DTX1: variants seen among roughly 807,000 people sequenced by gnomAD.
DTX1 encodes E3 ubiquitin-protein ligase DTX1.
A neutral mutation model predicts 57.8 loss-of-function variants in DTX1; 26 were observed. The observed-to-expected ratio is 0.45, with a 90% CI of 0.33 to 0.62. DTX1 has a LOEUF of 0.62. DTX1 is among the 20% of genes least tolerant of loss of function. The probability of loss-of-function intolerance (pLI) is 0.02; values close to 1 mark genes in which losing one functional copy is unlikely to be tolerated. For synonymous variants in DTX1, 398 were observed against 394.1 expected, an observed-to-expected ratio of 1.01 and a Z score of -0.12; for missense variants, 704 against 895.3, an observed-to-expected ratio of 0.79 and a Z score of 2.73.
rs1019749085 is a variant in DTX1 at position 113,058,155 on chromosome 12, C to G, written c.-38C>G. 6.4e-7 allele frequency: 1 copy of G among 1,554,260 alleles called. No homozygotes were observed. Among genetic ancestry groups the G allele is most frequent in the Admixed American group, 1.9e-5 (1 of 51,788 alleles). On this transcript the variant is annotated 5_prime_UTR_variant, in exon 2 of 10. Transcript: ENST00000548759. ...CCAGGCCCAGGAGGAGCTGGGCCTG[C>G]AATAGTGGGGGACCTGGCCCCTGAG... is the stretch of plus-strand genomic sequence containing the variant.
chr12:113,066,224 T>C (rs2044702808), intron 2 of DTX1, among the ~76,000 whole-genome samples: 1 of 152,090 alleles, frequency 6.6e-6, no homozygotes, highest in Admixed American at 6.5e-5. Flanking sequence ...CCCAGCTGCT[T>C]ACTAAGAATC....
At chr12:113,057,301 G>A (rs1360773419) in intron 1 of DTX1, 148 bp from the exon 2 acceptor site, 2 of 152,296 alleles carry the variant, frequency 1.3e-5, no homozygotes, top group Non-Finnish European at 2.9e-5. Context: ...CCTGCCCCAA[G>A]GGAAAGCGGG....
At chr12:113,080,295 C>A (rs2044807390) in intron 3 of DTX1, among the ~76,000 whole-genome samples, 1 of 152,138 alleles carries the variant, frequency 6.6e-6, no homozygotes, top group African/African-American at 2.4e-5. Context: ...TCAGGGAGAT[C>A]TCAGGGGGCT....
intron 3 of DTX1, among the ~76,000 whole-genome samples, chr12:113,091,524 T>C (rs1395429954): frequency 6.6e-6 from 1 of 152,084 alleles, no homozygotes; most frequent in Non-Finnish European, 1.5e-5. Context: ...GTGTGTAATG[T>C]GTCCCGGGGA....
intron 6 of DTX1, 27 bp downstream of exon 6, chr12:113,094,126 G>GGGGGGGGGGGGGC: frequency 1.0e-6 from 1 of 964,906 alleles, no homozygotes; most frequent in Non-Finnish European, 1.6e-6. Flanking sequence ...GGGGCTGGGG[G>GGGGGGGGGGGGGC]AGGGCCCTGG....
intron 5 of DTX1, 24 bp from the exon 6 acceptor site, chr12:113,094,014 A>T (rs924819414): frequency 2.0e-6 from 3 of 1,514,596 alleles, no homozygotes; most frequent in Non-Finnish European, 2.7e-6. Flanking sequence ...GTACCCTCAA[A>T]CCCACCCCGC....
At chr12:113,065,775 G>A (rs2044699876) in intron 2 of DTX1, among the ~76,000 whole-genome samples, 1 of 152,062 alleles carries the variant, frequency 6.6e-6, no homozygotes, top group Non-Finnish European at 1.5e-5. Flanking sequence ...TGATGAGAGG[G>A]TGACGAGGAG....
intron 3 of DTX1, among the ~76,000 whole-genome samples, chr12:113,078,810 A>G (rs762577986): frequency 6.6e-6 from 1 of 152,024 alleles, no homozygotes; most frequent in African/African-American, 2.4e-5. Flanking sequence ...ATTTCCCCAT[A>G]GGCTGCACCT....
Position 113,095,367 on chromosome 12 carries a change from G to T in DTX1, c.1591G>T (p.Gly531Ter). ...PNPGKKFTAR[G>*]FPRHCYLPNN... ...CCCCGGGAAGAAGTTCACCGCAAGA[G>T]GATTCCCTCGCCACTGCTATCTACC... is the stretch of plus-strand genomic sequence containing the variant. Residue 531 changes from glycine to a stop codon, truncating the protein, a stop_gained, in exon 9 of 10, where the codon GGA becomes TGA. Transcript: ENST00000548759. LOFTEE classifies it high-confidence loss of function. 6.2e-7 allele frequency: 1 copy of T among 1,614,234 alleles called. No individual in the cohort carries two copies. The highest frequency in any genetic ancestry group is 2.2e-5 in the East Asian group (1 of 44,886).
chr12:113,083,330 C>T (rs577601819), intron 3 of DTX1, among the ~76,000 whole-genome samples: 2 of 151,950 alleles, frequency 1.3e-5, no homozygotes, highest in Non-Finnish European at 2.9e-5. Flanking sequence ...TATAATTTAC[C>T]AATACTTTTT....
chr12:113,066,014 G>A (rs773105205), intron 2 of DTX1, among the ~76,000 whole-genome samples: 14 of 152,248 alleles, frequency 9.2e-5, no homozygotes, highest in East Asian at 1.9e-4. Flanking sequence ...AATCACAACC[G>A]GTGGTAGCCA....
Position 113,078,085 on chromosome 12 carries a change from G to T in DTX1, c.921G>T (p.Ala307=). 7.1e-7 allele frequency: 1 copy of T among 1,398,862 alleles called. No homozygotes were observed. Among genetic ancestry groups the T allele is most frequent in the African/African-American group, 1.5e-5 (1 of 66,714 alleles). The allele number at this position is 1,398,862 out of a possible 1,614,324, so 86.7% of individuals were successfully genotyped here. Residue 307 remains alanine, a synonymous_variant, in exon 3 of 10, where the codon GCG becomes GCT. Coordinates refer to ENST00000548759, the MANE Select transcript of DTX1 (RefSeq NM_004416.3). ...PGPQRTTSVS[A]RASIPPGVPA... is the part of the protein sequence containing the mutation. ...CCCAGCGCACCACCAGCGTGAGCGC[G>T]CGCGCCTCCATCCCGCCGGGGTAAG...
intron 3 of DTX1, among the ~76,000 whole-genome samples, chr12:113,081,838 G>C (rs1427799035): frequency 6.6e-6 from 1 of 152,132 alleles, no homozygotes; most frequent in African/African-American, 2.4e-5. Context: ...GAGACCACCG[G>C]GGGATAGAGG....
rs536369108 is a variant in DTX1, at chr12:113,081,892, G to C, written c.941+3787G>C. Among the ~76,000 whole-genome samples the C allele has an allele frequency of 2.2e-4, 34 of 152,300 alleles. No individual in the cohort carries two copies. The South Asian group carries it at 7.1e-3, about 32-fold the overall frequency. ...GGGGCTGAGATTTTTTACCCCAAAT[G>C]GGGGTACAAGGCCAGGTTGGGTGGC... On this transcript the variant is annotated intron_variant, in intron 3 of 9. Coordinates refer to ENST00000548759, the MANE Select transcript of DTX1 (RefSeq NM_004416.3).
chr12:113,086,306 A>T (rs1291582796), intron 3 of DTX1, among the ~76,000 whole-genome samples: 1 of 151,582 alleles, frequency 6.6e-6, no homozygotes, highest in East Asian at 1.9e-4. Context: ...GCATTCCAAC[A>T]TGCCAGACAG....
At chr12:113,086,487 A>G (rs963556396) in intron 3 of DTX1, among the ~76,000 whole-genome samples, 3 of 152,098 alleles carry the variant, frequency 2.0e-5, no homozygotes, top group Non-Finnish European at 4.4e-5. Context: ...TTTGCTCTGC[A>G]TGAGAAGGGA....
rs1950308273 is a variant in DTX1, at chr12:113,096,980, T to A, written c.*41T>A. 1.3e-6 allele frequency: 2 copies of A among 1,565,646 alleles called. No individual in the cohort carries two copies. The highest frequency in any genetic ancestry group is 1.8e-5 in the Admixed American group (1 of 55,464). ...ACCTTCCCTCCTGCTTTGCCCCTGG[T>A]CCGGCAAATGCCTCCTTCGCCAGGT... On this transcript the variant is annotated 3_prime_UTR_variant, in exon 10 of 10. Coordinates refer to ENST00000548759, the MANE Select transcript of DTX1 (RefSeq NM_004416.3).
intron 2 of DTX1, among the ~76,000 whole-genome samples, chr12:113,066,941 C>T (rs569278337): frequency 5.3e-5 from 8 of 152,154 alleles, no homozygotes; most frequent in Admixed American, 6.5e-5. Context: ...TGTCCTTGCT[C>T]GGCCACCCTG....
chr12:113,065,312 C>T (rs961054595), intron 2 of DTX1, among the ~76,000 whole-genome samples: 4 of 152,188 alleles, frequency 2.6e-5, no homozygotes, highest in South Asian at 2.1e-4. Flanking sequence ...GGGTGGGGAG[C>T]CGCCTGCCGA....
Sources: gnomAD v4.1 joint callset for allele counts (sites outside exome capture counted in the v4.1 genomes callset) on GRCh38, gnomAD v4.1.1 for gene constraint, MANE v1.5 for transcripts, NCBI Gene and HGNC (gene_info 2026-07-23, HGNC 2026-07-21) for gene names.